RBM48: variants seen among roughly 807,000 people sequenced by gnomAD.
RBM48 encodes the protein RNA binding motif protein 48.
RBM48 carries 32 observed loss-of-function variants against 34.8 expected under a neutral mutation model. The ratio of observed to expected loss-of-function variants is 0.92; its 90% CI spans 0.69 to 1.23. The LOEUF (loss-of-function observed/expected upper bound fraction) is 1.23. Ranked by LOEUF, RBM48 falls within the 50% of genes most tolerant of loss-of-function variation. RBM48 has a pLI of 0.00. For missense variants in RBM48, 441 were observed against 447.2 expected, an observed-to-expected ratio of 0.99 and a Z score of 0.12; for synonymous variants, 151 against 156.2, an observed-to-expected ratio of 0.97 and a Z score of 0.25.
intron 4 of RBM48, chr7:92,535,994 A>G: frequency 2.7e-6 from 1 of 376,048 alleles, no homozygotes; most frequent in South Asian, 1.1e-4. Flanking sequence ...AAAATTAGCC[A>G]GGCGTGGTGG....
chr7:92,530,494 CAAA>C (rs112647482), intron 2 of RBM48, among the ~76,000 whole-genome samples: 1 of 117,056 alleles, frequency 8.5e-6, no homozygotes, highest in African/African-American at 3.1e-5. Flanking sequence ...GGCTCTGTCT[CAAA>C]AAAAAAAAAA....
At position 92,538,291 on chromosome 7, in the gene RBM48, A is replaced by G. The variant is rs1425234324; in HGVS notation, c.*1354A>G. 6.6e-6 allele frequency among the ~76,000 whole-genome samples: 1 copy of G among 152,214 alleles called. No individual in the cohort carries two copies. Among genetic ancestry groups the G allele is most frequent in the Non-Finnish European group, 1.5e-5 (1 of 68,038 alleles). On this transcript the variant is annotated 3_prime_UTR_variant, in exon 5 of 5. Transcript: ENST00000265732. ...AGAGGGTCTGCGTGAAAGGGTTGTG[A>G]TAGACGGAGCAAGTGATCTATAGGC...
chr7:92,528,862 C>T lies in RBM48; in HGVS notation c.49C>T (p.Gln17Ter), dbSNP rs1793450975. The change falls in exon 1 of 5, where the codon CAG becomes TAG. Residue 17 changes from glutamine (Q) to a stop codon, truncating the protein, a stop_gained. Coordinates refer to ENST00000265732, the MANE Select transcript of RBM48 (RefSeq NM_032120.4). LOFTEE classifies it high-confidence loss of function. Reference sequence around the variant, plus strand: ...AGGGAGTTTATTTGATCACCACGTCCAGAGGGCGGTATGCGACACACGGGC... The same window carrying T: ...AGGGAGTTTATTTGATCACCACGTCTAGAGGGCGGTATGCGACACACGGGC... ...ELGSLFDHHV[Q>*]RAVCDTRAKY... 6.2e-7 allele frequency: 1 copy of T among 1,614,114 alleles called. No homozygotes were observed. Among genetic ancestry groups the T allele is most frequent in the Admixed American group, 1.7e-5 (1 of 60,026 alleles).
chr7:92,537,866 A>C lies in RBM48; in HGVS notation c.*929A>C, dbSNP rs1219959615. The C allele has an allele frequency of 6.6e-6, 1 of 152,106 alleles. No individual in the cohort carries two copies. The highest frequency in any genetic ancestry group is 1.5e-5 in the Non-Finnish European group (1 of 68,050). 9.4% of individuals were successfully genotyped at this position (152,106 alleles called of 1,614,324 possible). The stretch of plus-strand genomic sequence containing the variant: ...TTATTTTTAGTAGAGACAGGGTCTC[A>C]CTGTGTTGCCCAGGCAGGTATTGAA... On this transcript the variant is annotated 3_prime_UTR_variant, in exon 5 of 5. Transcript: ENST00000265732.
chr7:92,533,686 A>ACT (rs917032084), intron 3 of RBM48, among the ~76,000 whole-genome samples: 1 of 152,064 alleles, frequency 6.6e-6, no homozygotes, highest in Admixed American at 6.6e-5. Context: ...CTTTTCAAAA[A>ACT]CTCTTATTAT....
rs1793742382 is a variant in RBM48 at position 92,537,269 on chromosome 7, A to G, written c.*332A>G. The G allele has an allele frequency of 1.2e-5, 2 of 167,620 alleles. No individual in the cohort carries two copies. Among genetic ancestry groups the G allele is most frequent in the Admixed American group, 1.3e-4 (2 of 15,818 alleles). 10.4% of individuals were successfully genotyped at this position (167,620 alleles called of 1,614,324 possible). A position where few individuals can be genotyped will look rare whatever the true frequency, so the allele number is the denominator to read the frequency against. On this transcript the variant is annotated 3_prime_UTR_variant, in exon 5 of 5. Transcript: ENST00000265732. ...GGCTAAGTTTTGTGTTTTTTTTAGT[A>G]GAGATGGGTTTTCACCATATTGGTC...
rs1419767812 is a variant in RBM48, at chr7:92,538,162, AAAG to A, written c.*1230_*1232del. ...AAACCCCGCAGACACCAGGTTATAG[AAAG>A]AAGAGGCTTTATTCGGCCAGGAGCG... On this transcript the variant is annotated 3_prime_UTR_variant, in exon 5 of 5. Coordinates refer to ENST00000265732, the MANE Select transcript of RBM48 (RefSeq NM_032120.4). 5.3e-5 allele frequency among the ~76,000 whole-genome samples: 8 copies of A among 151,056 alleles called. No individual in the cohort carries two copies. Among genetic ancestry groups the A allele is most frequent in the African/African-American group, 1.9e-4 (8 of 41,368 alleles).
At chr7:92,536,537 C>T in intron 4 of RBM48, 1 of 1,006,098 alleles carries the variant, frequency 9.9e-7, no homozygotes, top group Non-Finnish European at 1.2e-6. Context: ...ACCAGGATAT[C>T]TATCTGAATC....
intron 4 of RBM48, chr7:92,535,870 C>G: frequency 1.0e-6 from 1 of 957,822 alleles, no homozygotes; most frequent in Non-Finnish European, 1.2e-6. Context: ...CCCAGTGCCT[C>G]ACACCAATAA....
At chr7:92,536,385 T>C in intron 4 of RBM48, 1 of 985,354 alleles carries the variant, frequency 1.0e-6, no homozygotes, top group East Asian at 1.1e-4. Flanking sequence ...TTGTATACTC[T>C]TTGTACACTC....
At chr7:92,533,983 A>C (rs1050486130) in intron 3 of RBM48, among the ~76,000 whole-genome samples, 1 of 151,916 alleles carries the variant, frequency 6.6e-6, no homozygotes, top group Non-Finnish European at 1.5e-5. Context: ...AAAAAAAAAA[A>C]AAAAAACCTT....
chr7:92,535,973 A>G (rs906426238), intron 4 of RBM48: 1 of 391,110 alleles, frequency 2.6e-6, no homozygotes, highest in Non-Finnish European at 3.5e-6. Flanking sequence ...CATCTTTACC[A>G]TAAATATACA....
At position 92,531,058 on chromosome 7, in the gene RBM48, T is replaced by C. The variant is rs572362221; in HGVS notation, c.303-1346T>C. On this transcript the variant is annotated intron_variant, in intron 2 of 4. Transcript: ENST00000265732. ...ATGGGCCACTACACTCCATCCTGGGTGATGGAGTGAGACTCTGTCTCAAAA... is the reference window on the plus strand; with the variant it reads ...ATGGGCCACTACACTCCATCCTGGGCGATGGAGTGAGACTCTGTCTCAAAA... 4.6e-5 allele frequency among the ~76,000 whole-genome samples: 7 copies of C among 152,112 alleles called. No individual in the cohort carries two copies. The South Asian group carries it at 1.5e-3, about 32-fold the overall frequency.
rs1271916632 is a variant in RBM48, at chr7:92,538,112, C to A, written c.*1175C>A. On this transcript the variant is annotated 3_prime_UTR_variant, in exon 5 of 5. Coordinates refer to ENST00000265732, the MANE Select transcript of RBM48 (RefSeq NM_032120.4). Reference sequence around the variant, plus strand: ...AAGGTTCAATTTCAGCTATGATGTACTTGTAGCAGGACGAGCTGCAGACAA... The same window carrying A: ...AAGGTTCAATTTCAGCTATGATGTAATTGTAGCAGGACGAGCTGCAGACAA... 1 of 152,198 alleles carries A rather than the reference C, an allele frequency of 6.6e-6. No individual in the cohort carries two copies. Among genetic ancestry groups the A allele is most frequent in the Admixed American group, 6.5e-5 (1 of 15,290 alleles). 9.4% of individuals were successfully genotyped at this position (152,198 alleles called of 1,614,324 possible). A position where few individuals can be genotyped will look rare whatever the true frequency, so the allele number is the denominator to read the frequency against.
chr7:92,530,648 A>C lies in RBM48; in HGVS notation c.302+982A>C, dbSNP rs867896475. Reference sequence around the variant, plus strand: ...GAAACCCTCACTCTACTAAATACAAAAATTAGCCGGCTGTGTTGGTGCAAA... The same window carrying C: ...GAAACCCTCACTCTACTAAATACAACAATTAGCCGGCTGTGTTGGTGCAAA... On this transcript the variant is annotated intron_variant, in intron 2 of 4. Transcript: ENST00000265732. 9.9e-5 allele frequency among the ~76,000 whole-genome samples: 15 copies of C among 152,048 alleles called. No homozygotes were observed. The Middle Eastern group carries it at 0.01, about 103-fold the overall frequency.
intron 4 of RBM48, chr7:92,536,196 G>T: frequency 1.0e-6 from 1 of 985,368 alleles, no homozygotes; most frequent in Non-Finnish European, 1.2e-6. Context: ...CTGAACTGAG[G>T]CATAGACATA....
chr7:92,529,166 C>T lies in RBM48; in HGVS notation c.111+242C>T, dbSNP rs1381980162. 4 of 588,648 alleles carry T rather than the reference C, an allele frequency of 6.8e-6. No individual in the cohort carries two copies. The Admixed American group carries it at 9.2e-5, about 14-fold the overall frequency. The allele number at this position is 588,648 out of a possible 1,614,324, so 36.5% of individuals were successfully genotyped here. On this transcript the variant is annotated intron_variant, in intron 1 of 4. Coordinates refer to ENST00000265732, the MANE Select transcript of RBM48 (RefSeq NM_032120.4). ...TTAGTCATTGGATCTTCTGTGTTTA[C>T]AGTACTACTTGGCACAGGTAAGCAC...
intron 2 of RBM48, among the ~76,000 whole-genome samples, chr7:92,529,889 T>G (rs531723375): frequency 6.6e-6 from 1 of 152,248 alleles, no homozygotes; most frequent in Non-Finnish European, 1.5e-5. Flanking sequence ...AGAGTAGAAG[T>G]TGGGTTTGGC....
intron 1 of RBM48, 115 bp downstream of exon 1, chr7:92,529,039 C>A (rs753832697): frequency 1.6e-5 from 13 of 795,568 alleles, no homozygotes; most frequent in Non-Finnish European, 2.8e-5. Flanking sequence ...ATCTGTCTCT[C>A]GTTAGAGCTG....
Sources: allele counts gnomAD v4.1 joint callset (sites outside exome capture counted in the v4.1 genomes callset), GRCh38; gene constraint gnomAD v4.1.1; transcripts MANE v1.5; gene names NCBI Gene and HGNC (gene_info 2026-07-23, HGNC 2026-07-21).